The following CDH6 variants were observed in gnomAD, a reference collection of about 807,000 sequenced individuals.
CDH6 encodes the protein cadherin-6.
A neutral mutation model predicts 78.0 loss-of-function variants in CDH6; 31 were observed. That is an observed-to-expected ratio of 0.40 (90% CI 0.30 to 0.54). The LOEUF (loss-of-function observed/expected upper bound fraction) is 0.54. Ranked by LOEUF, CDH6 falls within the 20% of genes least tolerant of loss-of-function variation. CDH6 has a pLI of 0.56. For missense variants in CDH6, 724 were observed against 975.9 expected, an observed-to-expected ratio of 0.74 and a Z score of 3.44; for synonymous variants, 376 against 368.8, an observed-to-expected ratio of 1.02 and a Z score of -0.23.
rs1015754920 is a variant in CDH6, at chr5:31,317,658, G to T, written c.1631-15G>T. ...AGTATCCACATACATTCACCACTTT[G>T]CTTTCCGGTTCCAGACAACACGGCG... is the stretch of plus-strand genomic sequence containing the variant. On this transcript the variant is annotated splice_polypyrimidine_tract_variant and intron_variant, in intron 10 of 11. Transcript: ENST00000265071. 6.2e-7 allele frequency: 1 copy of T among 1,602,904 alleles called. No homozygotes were observed. The highest frequency in any genetic ancestry group is 1.7e-5 in the Admixed American group (1 of 59,588).
At chr5:31,214,292 T>C (rs1740804388) in intron 1 of CDH6, among the ~76,000 whole-genome samples, 1 of 152,184 alleles carries the variant, frequency 6.6e-6, no homozygotes, top group South Asian at 2.1e-4. Flanking sequence ...GCAGGCCATT[T>C]TTCTACATCC....
At chr5:31,224,772 G>C (rs926117090) in intron 1 of CDH6, among the ~76,000 whole-genome samples, 1 of 152,050 alleles carries the variant, frequency 6.6e-6, no homozygotes, top group Non-Finnish European at 1.5e-5. Flanking sequence ...TCAAACTCTT[G>C]GGCTCAAGTG....
chr5:31,242,435 G>A lies in CDH6; in HGVS notation c.-128-24911G>A, dbSNP rs143384652. ...AGGCCAATCCACTCTTTTGGGTAAT[G>A]AGGAACATGGTAAAAATCAGAGAAT... On this transcript the variant is annotated intron_variant, in intron 1 of 11. Coordinates refer to ENST00000265071, the MANE Select transcript of CDH6 (RefSeq NM_004932.4). 3.9e-5 allele frequency among the ~76,000 whole-genome samples: 6 copies of A among 152,256 alleles called. 2 individuals carry two copies. The highest frequency in any genetic ancestry group is 3.4e-3 in the Middle Eastern group (1 of 294).
chr5:31,307,278 A>T (rs957620084), intron 7 of CDH6, among the ~76,000 whole-genome samples: 1 of 152,218 alleles, frequency 6.6e-6, no homozygotes, highest in Non-Finnish European at 1.5e-5. Flanking sequence ...GAAGAATATT[A>T]TTGCAGATAA....
rs917580300 is a variant in CDH6 at position 31,325,937 on chromosome 5, T to G, written c.*2629T>G. ...TTTGACATCGTGGAACCAATAAGAG[T>G]CATAGTTCCATCATTCTCCAGCTTC... On this transcript the variant is annotated 3_prime_UTR_variant, in exon 12 of 12. Coordinates refer to ENST00000265071, the MANE Select transcript of CDH6 (RefSeq NM_004932.4). The G allele has an allele frequency of 2.2e-5, 5 of 232,120 alleles. No homozygotes were observed. The highest frequency in any genetic ancestry group is 1.1e-4 in the African/African-American group (5 of 45,232). 14.4% of individuals were successfully genotyped at this position (232,120 alleles called of 1,614,324 possible). A position where few individuals can be genotyped will look rare whatever the true frequency, so the allele number is the denominator to read the frequency against.
rs114046530 is a variant in CDH6, at chr5:31,274,197, A to G, written c.228+6496A>G. The stretch of plus-strand genomic sequence containing the variant: ...ACAGCCATTATTGGCAATAATCCTC[A>G]TTTGTTTCCACTGAAAGTGAAACCA... On this transcript the variant is annotated intron_variant, in intron 2 of 11. Coordinates refer to ENST00000265071, the MANE Select transcript of CDH6 (RefSeq NM_004932.4). Among the ~76,000 whole-genome samples the G allele has an allele frequency of 6.2e-3, 939 of 152,304 alleles. 8 individuals are homozygous for G. The highest frequency in any genetic ancestry group is 0.022 in the African/African-American group (900 of 41,548).
At chr5:31,318,191 C>T (rs758518221) in intron 11 of CDH6, 1 of 590,758 alleles carries the variant, frequency 1.7e-6, no homozygotes, top group Non-Finnish European at 3.0e-6. Flanking sequence ...GAATGAATCT[C>T]GGGGGATTTC....
At chr5:31,308,154 A>T (rs2909566) in intron 7 of CDH6, among the ~76,000 whole-genome samples, 58 of 152,084 alleles carry the variant, frequency 3.8e-4, no homozygotes, top group African/African-American at 1.4e-3. Context: ...ATGGTAGGTG[A>T]AAAATTAACA....
At chr5:31,203,201 C>G (rs747245824) in intron 1 of CDH6, among the ~76,000 whole-genome samples, 3 of 146,352 alleles carry the variant, frequency 2.0e-5, no homozygotes, top group Non-Finnish European at 4.5e-5. Context: ...TTTTATAAAG[C>G]GAGAGAGAGA....
At chr5:31,201,844 G>T (rs979522864) in intron 1 of CDH6, among the ~76,000 whole-genome samples, 17 of 152,026 alleles carry the variant, frequency 1.1e-4, no homozygotes, top group African/African-American at 3.9e-4. Context: ...TAATGAAAAG[G>T]TATCCTTGGG....
intron 1 of CDH6, among the ~76,000 whole-genome samples, chr5:31,260,693 A>G (rs1209822559): frequency 6.6e-6 from 1 of 152,238 alleles, no homozygotes; most frequent in Non-Finnish European, 1.5e-5. Flanking sequence ...ACAAAAATAT[A>G]TATCAGGCAT....
chr5:31,210,397 A>G (rs1199555662), intron 1 of CDH6, among the ~76,000 whole-genome samples: 2 of 152,114 alleles, frequency 1.3e-5, no homozygotes, highest in Non-Finnish European at 2.9e-5. Flanking sequence ...CCAGCTACTC[A>G]GGAGGCTGAG....
intron 1 of CDH6, among the ~76,000 whole-genome samples, chr5:31,248,009 A>T (rs2149922901): frequency 6.6e-6 from 1 of 152,334 alleles, no homozygotes; most frequent in East Asian, 1.9e-4. Flanking sequence ...TTTAGTTTTA[A>T]AAACTAAAAA....
intron 5 of CDH6, among the ~76,000 whole-genome samples, chr5:31,300,929 G>A (rs1168100976): frequency 6.6e-6 from 1 of 152,142 alleles, no homozygotes; most frequent in South Asian, 2.1e-4. Context: ...AAGAGCAGCC[G>A]AGGCAACATA....
rs1737857465 is a variant in CDH6 at position 31,302,945 on chromosome 5, A to AAGAAAGAAAGAAAG, written c.999+659_999+660insAGAGAAAGAAAGAA. ...AAAGAAAGAAAGAAAGAAAGAAAGA[A>AAGAAAGAAAGAAAG]AGAAAGAAAGAAGGAAAGAAAAGAA... On this transcript the variant is annotated intron_variant, in intron 6 of 11. Coordinates refer to ENST00000265071, the MANE Select transcript of CDH6 (RefSeq NM_004932.4). Among the ~76,000 whole-genome samples, 6 of 131,864 alleles carry AAGAAAGAAAGAAAG rather than the reference A, an allele frequency of 4.6e-5. 1 individual carries two copies. Among genetic ancestry groups the AAGAAAGAAAGAAAG allele is most frequent in the Non-Finnish European group, 6.9e-5 (4 of 58,298 alleles). The allele number at this position is 131,864 out of a possible 152,430, so 86.5% of individuals were successfully genotyped here.
intron 1 of CDH6, among the ~76,000 whole-genome samples, chr5:31,266,747 T>C (rs796309975): frequency 2.6e-5 from 4 of 152,352 alleles, no homozygotes; most frequent in African/African-American, 9.6e-5. Flanking sequence ...TCAGGCACTT[T>C]GATATGCTAA....
chr5:31,252,042 C>T (rs762117209), intron 1 of CDH6, among the ~76,000 whole-genome samples: 2 of 152,116 alleles, frequency 1.3e-5, no homozygotes, highest in Non-Finnish European at 1.5e-5. Context: ...AAAATTGGAG[C>T]CTTTAATGCT....
Position 31,264,969 on chromosome 5 carries a change from G to T in CDH6, c.-128-2377G>T, listed in dbSNP as rs62348945. On this transcript the variant is annotated intron_variant, in intron 1 of 11. Coordinates refer to ENST00000265071, the MANE Select transcript of CDH6 (RefSeq NM_004932.4). ...CAGGGATCGATTTTTCTCTAAAACG[G>T]CCTTCAGGAGTCTGCCTTTTAAACA... Among the ~76,000 whole-genome samples, 882 of 152,270 alleles carry T rather than the reference G, an allele frequency of 5.8e-3. 2 individuals are homozygous for T. Among genetic ancestry groups the T allele is most frequent in the Non-Finnish European group, 0.01 (702 of 68,024 alleles).
At position 31,322,991 on chromosome 5, in the gene CDH6, A is replaced by G; in HGVS notation, c.2056A>G (p.Asn686Asp). The G allele has an allele frequency of 6.2e-7, 1 of 1,614,180 alleles. No individual in the cohort carries two copies. The highest frequency in any genetic ancestry group is 1.1e-5 in the South Asian group (1 of 91,078). Residue 686 changes from asparagine (N) to aspartate (D), a missense_variant, in exon 12 of 12, where the codon AAC (asparagine) becomes GAC (aspartate). Asn to Asp is a conservative substitution (Grantham distance 23). Transcript: ENST00000265071. ...TLRNPEAIED[N>D]KLRRDIVPEA... The stretch of plus-strand genomic sequence containing the variant: ...GAGGAATCCTGAAGCCATAGAGGAC[A>G]ACAAATTACGAAGGGACATTGTGCC...
Sources: allele counts gnomAD v4.1 joint callset (sites outside exome capture counted in the v4.1 genomes callset), GRCh38; gene constraint gnomAD v4.1.1; transcripts MANE v1.5; gene names NCBI Gene and HGNC (gene_info 2026-07-23, HGNC 2026-07-21).